Variants in SH3RF3 observed in about 807,000 individuals in gnomAD.
SH3RF3 encodes the protein SH3 domain containing ring finger 3, also known as E3 ubiquitin-protein ligase SH3RF3.
A neutral mutation model predicts 66.3 loss-of-function variants in SH3RF3; 29 were observed. That is an observed-to-expected ratio of 0.44 (90% CI 0.33 to 0.60). SH3RF3 has a LOEUF of 0.60. SH3RF3 is among the 20% of genes least tolerant of loss of function. The pLI, the probability that SH3RF3 is intolerant of heterozygous loss-of-function variation, is 0.04. For missense variants in SH3RF3, 1,194 were observed against 1,190.9 expected (o/e 1.00, Z -0.04); for synonymous variants, 583 against 532.0 (o/e 1.10, Z -1.32).
chr2:109,314,067 C>A (rs1193716101), intron 1 of SH3RF3, among the ~76,000 whole-genome samples: 1 of 152,028 alleles, frequency 6.6e-6, no homozygotes, highest in Middle Eastern at 3.2e-3. Context: ...AAGAGAGGGG[C>A]CGTGAGACCC....
chr2:109,263,717 A>G (rs915230023), intron 1 of SH3RF3, among the ~76,000 whole-genome samples: 3 of 152,358 alleles, frequency 2.0e-5, no homozygotes, highest in South Asian at 2.1e-4. Context: ...CTGTAATCCC[A>G]GCACTTTGGG....
At chr2:109,169,056 A>T (rs1468841061) in intron 1 of SH3RF3, among the ~76,000 whole-genome samples, 4 of 152,208 alleles carry the variant, frequency 2.6e-5, no homozygotes, top group Non-Finnish European at 4.4e-5. Flanking sequence ...GAGAAGTGGC[A>T]CTAGGAACCA....
intron 8 of SH3RF3, among the ~76,000 whole-genome samples, chr2:109,475,659 C>T (rs2104743870): frequency 6.6e-6 from 1 of 152,310 alleles, no homozygotes; most frequent in South Asian, 2.1e-4. Context: ...TGTAGGATGT[C>T]GAGCAGCATC....
rs563353890 is a variant in SH3RF3 at position 109,331,604 on chromosome 2, C to T, written c.574-16070C>T. On this transcript the variant is annotated intron_variant, in intron 1 of 9. Transcript: ENST00000309415. ...AGTACTTACGGTCTTCACTATACTA[C>T]GTACTTTTAATAGTTTATTTTGTGT... 7.0e-4 allele frequency among the ~76,000 whole-genome samples: 106 copies of T among 152,276 alleles called. 1 individual carries two copies. The highest frequency in any genetic ancestry group is 2.5e-3 in the Admixed American group (39 of 15,298).
intron 1 of SH3RF3, among the ~76,000 whole-genome samples, chr2:109,302,893 T>C (rs913818066): frequency 2.6e-5 from 4 of 152,204 alleles, no homozygotes; most frequent in African/African-American, 7.2e-5. Flanking sequence ...TGTTTGTTTT[T>C]TGAGGCAGAG....
At chr2:109,135,367 C>A (rs758302727) in intron 1 of SH3RF3, among the ~76,000 whole-genome samples, 2 of 152,190 alleles carry the variant, frequency 1.3e-5, no homozygotes, top group African/African-American at 4.8e-5. Context: ...TGGTTTTAAT[C>A]TTGGCTTCCA....
intron 1 of SH3RF3, among the ~76,000 whole-genome samples, chr2:109,347,004 T>A (rs551667840): frequency 6.6e-6 from 1 of 152,306 alleles, no homozygotes; most frequent in African/African-American, 2.4e-5. Context: ...ACACAGGCTG[T>A]TTGTCATCAT....
At chr2:109,367,143 T>TTTTA (rs1312652917) in intron 2 of SH3RF3, among the ~76,000 whole-genome samples, 2 of 139,542 alleles carry the variant, frequency 1.4e-5, no homozygotes, top group Non-Finnish European at 3.1e-5. Context: ...TTTTTTTTTT[T>TTTTA]AGTAGAGACA....
rs558755688 is a variant in SH3RF3, at chr2:109,424,260, C to G, written c.1403+4618C>G. 7.9e-5 allele frequency among the ~76,000 whole-genome samples: 12 copies of G among 152,196 alleles called. No individual in the cohort carries two copies. In the East Asian group the frequency reaches 1.2e-3, roughly 15 times the overall value. On this transcript the variant is annotated intron_variant, in intron 5 of 9. Coordinates refer to ENST00000309415, the MANE Select transcript of SH3RF3 (RefSeq NM_001099289.3). ...GAGCCAGCGCTGGCTTCAGGCTGCC[C>G]TTTGAAGGGGCAGTCATGGGTGATG... is the stretch of plus-strand genomic sequence containing the variant.
chr2:109,327,604 G>C (rs1293589560), intron 1 of SH3RF3, among the ~76,000 whole-genome samples: 1 of 152,152 alleles, frequency 6.6e-6, no homozygotes, highest in Non-Finnish European at 1.5e-5. Flanking sequence ...TCTTACTCAA[G>C]AACATCATAT....
Position 109,438,002 on chromosome 2 carries a change from ATC to A in SH3RF3, c.1828+858_1828+859del, listed in dbSNP as rs557060280. On this transcript the variant is annotated intron_variant, in intron 7 of 9. Coordinates refer to ENST00000309415, the MANE Select transcript of SH3RF3 (RefSeq NM_001099289.3). ...CCCCAACCCTGTCCTCTCAGAAATC[ATC>A]TGTTTTTCTCAAAGTGAGGCTTAAA... is the stretch of plus-strand genomic sequence containing the variant. Among the ~76,000 whole-genome samples the A allele has an allele frequency of 2.1e-3, 321 of 152,314 alleles. 2 individuals carry two copies. The highest frequency in any genetic ancestry group is 1.9e-3 in the Non-Finnish European group (127 of 68,018).
chr2:109,228,733 T>A (rs575203270), intron 1 of SH3RF3, among the ~76,000 whole-genome samples: 1 of 152,110 alleles, frequency 6.6e-6, no homozygotes, highest in African/African-American at 2.4e-5. Flanking sequence ...TAGGGCGAGG[T>A]CTGGAAGGGT....
In SH3RF3 at chr2:109,419,484, TC is replaced by T. The variant is rs1676813913; in HGVS notation, c.1300-52del. On this transcript the variant is annotated intron_variant, in intron 4 of 9. Transcript: ENST00000309415. The stretch of plus-strand genomic sequence containing the variant: ...TGCAGCCTCATTTTGCTTTTCTCTT[TC>T]CCTTGGATGGAGTCTCTGTCTCCTC... 3.9e-6 allele frequency: 6 copies of T among 1,523,550 alleles called. No individual in the cohort carries two copies. The Admixed American group carries it at 1.2e-4, about 30-fold the overall frequency. The allele number at this position is 1,523,550 out of a possible 1,614,324, so 94.4% of individuals were successfully genotyped here. A position where few individuals can be genotyped will look rare whatever the true frequency, so the allele number is the denominator to read the frequency against.
chr2:109,389,563 A>G (rs1275204860), intron 3 of SH3RF3, among the ~76,000 whole-genome samples: 1 of 152,196 alleles, frequency 6.6e-6, no homozygotes, highest in Non-Finnish European at 1.5e-5. Context: ...TTTGAAAACC[A>G]CTGCTCTAAG....
chr2:109,326,920 C>A (rs1266981774), intron 1 of SH3RF3, among the ~76,000 whole-genome samples: 6 of 152,214 alleles, frequency 3.9e-5, no homozygotes. Flanking sequence ...GCTGGCTCTA[C>A]CATTCGGTTC....
chr2:109,459,146 A>G (rs1678146206), intron 8 of SH3RF3, among the ~76,000 whole-genome samples: 1 of 152,116 alleles, frequency 6.6e-6, no homozygotes, highest in Non-Finnish European at 1.5e-5. Context: ...AAATACTATC[A>G]TATAATAATC....
At chr2:109,249,561 T>G (rs1327062559) in intron 1 of SH3RF3, among the ~76,000 whole-genome samples, 8 of 138,534 alleles carry the variant, frequency 5.8e-5, no homozygotes, top group South Asian at 2.3e-4. Flanking sequence ...CCTTCCTTCC[T>G]TCCTTCCTTC....
intron 7 of SH3RF3, among the ~76,000 whole-genome samples, chr2:109,442,731 C>T (rs1463188787): frequency 6.6e-6 from 1 of 151,772 alleles, no homozygotes; most frequent in Non-Finnish European, 1.5e-5. Context: ...AGCAAATAAG[C>T]TAAAAGGGAA....
rs562552888 is a variant in SH3RF3, at chr2:109,457,382, A to C, written c.2148+7893A>C. ...AACTATTATTCAGAAGTAGGGTTTC[A>C]ACTGCAAAGCATTAAACCAAAATGC... On this transcript the variant is annotated intron_variant, in intron 8 of 9. Transcript: ENST00000309415. Among the ~76,000 whole-genome samples the C allele has an allele frequency of 8.5e-5, 13 of 152,364 alleles. No homozygotes were observed. In the South Asian group the frequency reaches 2.7e-3, roughly 32 times the overall value.
Sources: gnomAD v4.1 joint callset for allele counts (sites outside exome capture counted in the v4.1 genomes callset) on GRCh38, gnomAD v4.1.1 for gene constraint, MANE v1.5 for transcripts, NCBI Gene and HGNC (gene_info 2026-07-23, HGNC 2026-07-21) for gene names.